AGBL4: variants seen among roughly 807,000 people sequenced by gnomAD.
The protein encoded by AGBL4 is cytosolic carboxypeptidase 6.
In AGBL4, 58 loss-of-function variants were observed where a neutral mutation model predicts 66.4. That is an observed-to-expected ratio of 0.87 (90% confidence interval 0.71 to 1.09). AGBL4 has a LOEUF of 1.09. AGBL4 is among the 50% of genes least tolerant of loss of function. AGBL4 has a pLI of 0.00. For missense variants in AGBL4, 579 were observed against 631.0 expected (o/e 0.92, Z 0.88); for synonymous variants, 234 against 222.9 (o/e 1.05, Z -0.44).
chr1:49,091,909 G>A (rs1285759333), intron 4 of AGBL4, among the ~76,000 whole-genome samples: 2 of 151,806 alleles, frequency 1.3e-5, no homozygotes, highest in Non-Finnish European at 2.9e-5. Flanking sequence ...GGCCATTATC[G>A]AAGTATGAAG....
In AGBL4 at chr1:49,154,676, C is replaced by T. The variant is rs1646398050; in HGVS notation, c.377+91094G>A. Reference sequence around the variant, plus strand: ...CTCCCATGGTGCTGACATGAAATAACCTTCCATTCTCTTCCATGTTAAAAG... The same window carrying T: ...CTCCCATGGTGCTGACATGAAATAATCTTCCATTCTCTTCCATGTTAAAAG... On this transcript the variant is annotated intron_variant, in intron 4 of 13. Transcript: ENST00000371839. Among the ~76,000 whole-genome samples, 3 of 152,204 alleles carry T rather than the reference C, an allele frequency of 2.0e-5. No homozygotes were observed. In the South Asian group the frequency reaches 6.2e-4, roughly 32 times the overall value.
intron 3 of AGBL4, among the ~76,000 whole-genome samples, chr1:49,366,561 T>C (rs1167350550): frequency 1.3e-5 from 2 of 152,224 alleles, no homozygotes; most frequent in Non-Finnish European, 1.5e-5. Flanking sequence ...TCCTGATTTA[T>C]TACATTTACT....
chr1:49,129,286 G>T (rs1335698551), intron 4 of AGBL4, among the ~76,000 whole-genome samples: 1 of 113,360 alleles, frequency 8.8e-6, no homozygotes, highest in Non-Finnish European at 2.3e-5. Flanking sequence ...GACTGTTTTT[G>T]TTTTTTTTGT....
intron 1 of AGBL4, among the ~76,000 whole-genome samples, chr1:49,991,540 TAATC>T (rs1659940501): frequency 6.6e-6 from 1 of 152,190 alleles, no homozygotes; most frequent in African/African-American, 2.4e-5. Flanking sequence ...TATATTTAGA[TAATC>T]AACCATACAC....
rs76180899 is a variant in AGBL4 at position 49,180,622 on chromosome 1, T to C, written c.377+65148A>G. On this transcript the variant is annotated intron_variant, in intron 4 of 13. Coordinates refer to ENST00000371839, the MANE Select transcript of AGBL4 (RefSeq NM_032785.4). Reference sequence around the variant, plus strand: ...TCCCTGATCAACCATGGCCTTGGTATATCTAGTACAGAAGATACTGATCCA... The same window carrying C: ...TCCCTGATCAACCATGGCCTTGGTACATCTAGTACAGAAGATACTGATCCA... 2.9e-3 allele frequency among the ~76,000 whole-genome samples: 446 copies of C among 152,318 alleles called. 3 individuals are homozygous for C. Among genetic ancestry groups the C allele is most frequent in the African/African-American group, 0.01 (423 of 41,572 alleles).
chr1:49,762,614 A>G (rs557752281), intron 2 of AGBL4, among the ~76,000 whole-genome samples: 1 of 151,976 alleles, frequency 6.6e-6, no homozygotes, highest in Non-Finnish European at 1.5e-5. Context: ...GCGTTTCACC[A>G]TGTTGGCCAG....
At chr1:49,808,716 A>G (rs1645029951) in intron 2 of AGBL4, among the ~76,000 whole-genome samples, 1 of 152,166 alleles carries the variant, frequency 6.6e-6, no homozygotes, top group African/African-American at 2.4e-5. Flanking sequence ...TGAATATATC[A>G]GAAAAATGCC....
intron 11 of AGBL4, among the ~76,000 whole-genome samples, chr1:48,561,923 A>C (rs1189560107): frequency 6.6e-6 from 1 of 152,220 alleles, no homozygotes; most frequent in Non-Finnish European, 1.5e-5. Flanking sequence ...CCAATTCTTT[A>C]TAATAAATGT....
intron 6 of AGBL4, among the ~76,000 whole-genome samples, chr1:48,864,497 G>C (rs1327358584): frequency 2.0e-5 from 3 of 152,152 alleles, no homozygotes; most frequent in African/African-American, 7.2e-5. Flanking sequence ...ATTTGCAATT[G>C]CAAGTGGCTA....
At chr1:49,101,706 G>A (rs1645205689) in intron 4 of AGBL4, among the ~76,000 whole-genome samples, 1 of 152,104 alleles carries the variant, frequency 6.6e-6, no homozygotes, top group Non-Finnish European at 1.5e-5. Flanking sequence ...TGTTTGAGGT[G>A]TGATATTTTA....
downstream of AGBL4, among the ~76,000 whole-genome samples, chr1:48,528,962 T>C (rs1643892932): frequency 6.6e-6 from 1 of 152,080 alleles, no homozygotes; most frequent in African/African-American, 2.4e-5. Context: ...GAATATCATG[T>C]TCAACACTGT....
intron 3 of AGBL4, among the ~76,000 whole-genome samples, chr1:49,466,342 A>C (rs1646630684): frequency 6.6e-6 from 1 of 151,966 alleles, no homozygotes; most frequent in Non-Finnish European, 1.5e-5. Context: ...TCAAGATTTG[A>C]CTGAAACTCA....
At chr1:48,570,861 T>C (rs922459587) in intron 11 of AGBL4, among the ~76,000 whole-genome samples, 1 of 152,166 alleles carries the variant, frequency 6.6e-6, no homozygotes, top group Non-Finnish European at 1.5e-5. Context: ...CACTTTCTTA[T>C]GAGGGAACTC....
intron 6 of AGBL4, among the ~76,000 whole-genome samples, chr1:48,718,537 A>T (rs1647089883): frequency 6.6e-6 from 1 of 152,224 alleles, no homozygotes; most frequent in Admixed American, 6.5e-5. Flanking sequence ...GTCATTCTTC[A>T]TATCCAGGGC....
chr1:49,318,710 C>G (rs1645082129), intron 3 of AGBL4, among the ~76,000 whole-genome samples: 1 of 151,832 alleles, frequency 6.6e-6, no homozygotes, highest in Non-Finnish European at 1.5e-5. Context: ...AGTTATGAAG[C>G]CAGATTGAAA....
At chr1:49,420,629 A>G (rs1645524288) in intron 3 of AGBL4, among the ~76,000 whole-genome samples, 1 of 151,770 alleles carries the variant, frequency 6.6e-6, no homozygotes, top group South Asian at 2.1e-4. Flanking sequence ...TGAACCCAGG[A>G]AGTAGAGCTT....
intron 4 of AGBL4, among the ~76,000 whole-genome samples, chr1:49,143,168 A>C (rs1328902228): frequency 6.6e-6 from 1 of 152,020 alleles, no homozygotes; most frequent in Non-Finnish European, 1.5e-5. Flanking sequence ...ATCTCTCCCC[A>C]TGTCCTATTC....
chr1:48,532,569 C>T (rs142764326), downstream of AGBL4, among the ~76,000 whole-genome samples: 184 of 152,306 alleles, frequency 1.2e-3, 3 homozygotes, highest in African/African-American at 4.1e-3. Flanking sequence ...CCTCTCTCAT[C>T]TTATGCAATC....
At chr1:49,237,857 A>C (rs1650909819) in intron 4 of AGBL4, among the ~76,000 whole-genome samples, 1 of 151,994 alleles carries the variant, frequency 6.6e-6, no homozygotes, top group South Asian at 2.1e-4. Flanking sequence ...TTCTGTTTGA[A>C]GAACTTCCTT....
Sources: gnomAD v4.1 joint callset for allele counts (sites outside exome capture counted in the v4.1 genomes callset) on GRCh38, gnomAD v4.1.1 for gene constraint, MANE v1.5 for transcripts, NCBI Gene and HGNC (gene_info 2026-07-23, HGNC 2026-07-21) for gene names.